Variants in CSMD1 observed in about 807,000 individuals in gnomAD.
CSMD1 encodes the protein CUB and Sushi multiple domains 1.
CSMD1 carries 213 observed loss-of-function variants against 417.5 expected under a neutral mutation model. The observed-to-expected ratio is 0.51, with a 90% CI of 0.46 to 0.57. The LOEUF is 0.57. Among genes scored for constraint, CSMD1 ranks in the 20% least tolerant of loss-of-function variants. The probability of loss-of-function intolerance (pLI) is 0.00; values close to 1 mark genes in which losing one functional copy is unlikely to be tolerated. For missense variants in CSMD1, 6,923 were observed against 4,529.7 expected, an observed-to-expected ratio of 1.53 and a Z score of -15.17; for synonymous variants, 2,862 against 1,736.8, an observed-to-expected ratio of 1.65 and a Z score of -16.11.
At chr8:3,429,497 C>G (rs1209208078) in intron 12 of CSMD1, among the ~76,000 whole-genome samples, 1 of 152,082 alleles carries the variant, frequency 6.6e-6, no homozygotes. Flanking sequence ...CTTAAACGCC[C>G]CTGCAGGGAA....
intron 1 of CSMD1, among the ~76,000 whole-genome samples, chr8:4,856,463 A>G (rs571374945): frequency 7.1e-6 from 1 of 140,808 alleles, no homozygotes; most frequent in African/African-American, 2.9e-5. Flanking sequence ...TAAAAGACAC[A>G]GACTGGCAAA....
At chr8:3,138,929 A>T (rs1818274554) in intron 41 of CSMD1, among the ~76,000 whole-genome samples, 1 of 152,202 alleles carries the variant, frequency 6.6e-6, no homozygotes, top group Non-Finnish European at 1.5e-5. Context: ...GAGAAGTTGG[A>T]AGAGTAAATC....
At chr8:3,670,718 T>C (rs1798959784) in intron 7 of CSMD1, among the ~76,000 whole-genome samples, 1 of 141,860 alleles carries the variant, frequency 7.0e-6, no homozygotes, top group South Asian at 2.3e-4. Flanking sequence ...TATATGTATA[T>C]GGGATATACA....
At chr8:3,907,091 T>G (rs192619289) in intron 5 of CSMD1, among the ~76,000 whole-genome samples, 201 of 152,318 alleles carry the variant, frequency 1.3e-3, no homozygotes, top group Middle Eastern at 6.8e-3. Context: ...ATCCCATGAC[T>G]CAAAATCCCT....
At chr8:3,927,357 G>C (rs2954609) in intron 5 of CSMD1, among the ~76,000 whole-genome samples, 45,608 of 151,818 alleles carry the variant, frequency 0.3, 7,577 homozygotes, top group Non-Finnish European at 0.36. Context: ...AAAAAGGAAA[G>C]GTATCACTGT....
chr8:3,926,108 C>T lies in CSMD1; in HGVS notation c.818+71795G>A, dbSNP rs60692626. Among the ~76,000 whole-genome samples the T allele has an allele frequency of 4.1e-3, 320 of 78,984 alleles. 15 individuals carry two copies. Among genetic ancestry groups the T allele is most frequent in the East Asian group, 0.011 (37 of 3,476 alleles). The allele number at this position is 78,984 out of a possible 152,430, so 51.8% of individuals were successfully genotyped here. On this transcript the variant is annotated intron_variant, in intron 5 of 69. Coordinates refer to ENST00000635120, the MANE Select transcript of CSMD1 (RefSeq NM_033225.6). ...ACACACACACACACACACACACACA[C>T]ACACACACACACACACACACACACT...
intron 8 of CSMD1, among the ~76,000 whole-genome samples, chr8:3,590,973 T>G (rs973742566): frequency 6.6e-6 from 1 of 152,186 alleles, no homozygotes; most frequent in Non-Finnish European, 1.5e-5. Context: ...AAATCAGATA[T>G]AACATCAGAT....
At chr8:4,167,672 T>C (rs951252603) in intron 3 of CSMD1, among the ~76,000 whole-genome samples, 4 of 152,240 alleles carry the variant, frequency 2.6e-5, no homozygotes, top group African/African-American at 7.2e-5. Flanking sequence ...TAAAAAGATA[T>C]TGGTTATATG....
intron 1 of CSMD1, among the ~76,000 whole-genome samples, chr8:4,698,724 C>A (rs532234859): frequency 3.6e-4 from 53 of 148,738 alleles, no homozygotes; most frequent in African/African-American, 1.3e-3. Context: ...CCACCTTCTC[C>A]CTTCCTTCTT....
intron 5 of CSMD1, among the ~76,000 whole-genome samples, chr8:3,850,642 C>G (rs1219731822): frequency 6.6e-6 from 1 of 152,080 alleles, no homozygotes; most frequent in Non-Finnish European, 1.5e-5. Flanking sequence ...TTGAGGTGAG[C>G]CAAGATCGCA....
intron 25 of CSMD1, among the ~76,000 whole-genome samples, chr8:3,288,950 A>G (rs1803351857): frequency 2.0e-5 from 3 of 146,948 alleles, no homozygotes; most frequent in Admixed American, 1.3e-4. Context: ...AACATTAGGT[A>G]TATCTCCTAA....
chr8:3,575,235 T>C (rs1659082841), intron 9 of CSMD1, among the ~76,000 whole-genome samples, 169 bp from the exon 10 acceptor site: 1 of 151,774 alleles, frequency 6.6e-6, no homozygotes, highest in Admixed American at 6.6e-5. Flanking sequence ...AGCAAGTGGA[T>C]TGCTCAGCCG....
At position 3,824,899 on chromosome 8, in the gene CSMD1, G is replaced by C. The variant is rs548112338; in HGVS notation, c.819-70857C>G. Among the ~76,000 whole-genome samples, 14 of 152,156 alleles carry C rather than the reference G, an allele frequency of 9.2e-5. 1 individual carries two copies. Among genetic ancestry groups the C allele is most frequent in the Non-Finnish European group, 2.1e-4 (14 of 68,024 alleles). ...GCTTTAATAAAATGAGAATTGTAAA[G>C]ATTTCAGCCCTGTTAATTAGCACCA... is the stretch of plus-strand genomic sequence containing the variant. On this transcript the variant is annotated intron_variant, in intron 5 of 69. Coordinates refer to ENST00000635120, the MANE Select transcript of CSMD1 (RefSeq NM_033225.6).
At chr8:3,670,438 T>G (rs1449753252) in intron 7 of CSMD1, among the ~76,000 whole-genome samples, 1 of 149,734 alleles carries the variant, frequency 6.7e-6, no homozygotes. Flanking sequence ...AAACTCCCCT[T>G]TATATATATA....
rs76518904 is a variant in CSMD1 at position 3,825,219 on chromosome 8, A to G, written c.819-71177T>C. 9.2e-3 allele frequency among the ~76,000 whole-genome samples: 1,400 copies of G among 152,172 alleles called. 34 individuals are homozygous for G. The highest frequency in any genetic ancestry group is 0.031 in the African/African-American group (1,277 of 41,546). ...CCTGAAGGAGTCATAAAATAAGTGA[A>G]TCCAAAGTCCCATCAAGAGCCCTTG... On this transcript the variant is annotated intron_variant, in intron 5 of 69. Transcript: ENST00000635120.
At chr8:4,242,685 G>C (rs1021366724) in intron 3 of CSMD1, among the ~76,000 whole-genome samples, 4 of 150,614 alleles carry the variant, frequency 2.7e-5, no homozygotes, top group African/African-American at 9.7e-5. Context: ...CCCCAATCCA[G>C]GGCTCACTCT....
At position 3,625,358 on chromosome 8, in the gene CSMD1, G is replaced by C. The variant is rs188312954; in HGVS notation, c.1010-8561C>G. Among the ~76,000 whole-genome samples, 20 of 152,228 alleles carry C rather than the reference G, an allele frequency of 1.3e-4. No homozygotes were observed. In the East Asian group the frequency reaches 3.9e-3, roughly 29 times the overall value. ...TTGGACGTGAAGAGCTTCCAACCCT[G>C]AGTGAGAGACAAGGGCTGCATTTTC... On this transcript the variant is annotated intron_variant, in intron 7 of 69. Transcript: ENST00000635120.
chr8:4,233,512 T>A (rs1232471384), intron 3 of CSMD1, among the ~76,000 whole-genome samples: 2 of 152,126 alleles, frequency 1.3e-5, no homozygotes, highest in Non-Finnish European at 2.9e-5. Flanking sequence ...ATTAGTGCCC[T>A]TATAAAAGAG....
At chr8:3,986,790 C>G (rs756968328) in intron 5 of CSMD1, among the ~76,000 whole-genome samples, 5 of 152,000 alleles carry the variant, frequency 3.3e-5, no homozygotes, top group African/African-American at 7.3e-5. Context: ...GAGTCTCACC[C>G]TGTTGCCCAG....
Sources: gnomAD v4.1 joint callset for allele counts (sites outside exome capture counted in the v4.1 genomes callset) on GRCh38, gnomAD v4.1.1 for gene constraint, MANE v1.5 for transcripts, NCBI Gene and HGNC (gene_info 2026-07-23, HGNC 2026-07-21) for gene names.